The following RGS12 variants were observed in gnomAD, a reference collection of about 807,000 sequenced individuals.
RGS12 encodes the protein regulator of G protein signaling 12.
RGS12 carries 66 observed loss-of-function variants against 120.1 expected under a neutral mutation model. The ratio of observed to expected loss-of-function variants is 0.55; its 90% CI spans 0.45 to 0.67. The LOEUF is 0.67. Among genes scored for constraint, RGS12 ranks in the 30% least tolerant of loss-of-function variants. The probability of loss-of-function intolerance (pLI) is 0.00; values close to 1 mark genes in which losing one functional copy is unlikely to be tolerated. For synonymous variants in RGS12, 827 were observed against 804.7 expected (o/e 1.03, Z -0.47); for missense variants, 1,859 against 1,957.7 (o/e 0.95, Z 0.95).
Position 3,396,207 on chromosome 4 carries a change from T to G in RGS12, c.2020+9770T>G, listed in dbSNP as rs1195791216. Among the ~76,000 whole-genome samples, 5 of 152,182 alleles carry G rather than the reference T, an allele frequency of 3.3e-5. No homozygotes were observed. In the South Asian group the frequency reaches 6.2e-4, roughly 19 times the overall value. The stretch of plus-strand genomic sequence containing the variant: ...ATTAGATATACCTTGTGTTTTGGAT[T>G]TATGTGTTTGTGATAGATTTATGTA... On this transcript the variant is annotated intron_variant, in intron 4 of 17. Transcript: ENST00000336727.
intron 1 of RGS12, among the ~76,000 whole-genome samples, chr4:3,313,580 T>G (rs1038236802): frequency 2.0e-5 from 3 of 152,210 alleles, no homozygotes; most frequent in African/African-American, 7.2e-5. Context: ...TCCTGCGTTT[T>G]CGGGGGCCTC....
At chr4:3,332,219 C>T (rs1036623730) in intron 2 of RGS12, among the ~76,000 whole-genome samples, 21 of 152,232 alleles carry the variant, frequency 1.4e-4, no homozygotes, top group South Asian at 4.2e-4. Context: ...GCAAGGTGGC[C>T]GCCACATCCC....
At chr4:3,417,220 A>G (rs1722505832) in intron 8 of RGS12, 128 bp downstream of exon 8, 2 of 1,322,642 alleles carry the variant, frequency 1.5e-6, no homozygotes, top group Non-Finnish European at 1.0e-6. Context: ...CCATGCTGGA[A>G]AGTTCCAGCT....
intron 2 of RGS12, among the ~76,000 whole-genome samples, chr4:3,318,892 T>C (rs1004405571): frequency 6.6e-6 from 1 of 151,994 alleles, no homozygotes; most frequent in Non-Finnish European, 1.5e-5. Context: ...TTGTGACAGG[T>C]GATGGGGGTG....
At chr4:3,295,752 CATTA>C (rs1412762219) in intron 1 of RGS12, among the ~76,000 whole-genome samples, 3 of 151,744 alleles carry the variant, frequency 2.0e-5, no homozygotes, top group Non-Finnish European at 4.4e-5. Context: ...ATAAACAACT[CATTA>C]GTTACGACTT....
Position 3,362,482 on chromosome 4 carries a change from A to G in RGS12, c.1998+19429A>G, listed in dbSNP as rs369617673. ...CGAGGGTGTGTGTGAGGGTGTGTGT[A>G]TGTGAGGGTGTGTGTGAGGGTGCGA... is the stretch of plus-strand genomic sequence containing the variant. On this transcript the variant is annotated intron_variant, in intron 3 of 17. Coordinates refer to ENST00000336727, the MANE Select transcript of RGS12 (RefSeq NM_001394154.1). 3.2e-3 allele frequency among the ~76,000 whole-genome samples: 142 copies of G among 44,208 alleles called. 1 individual carries two copies. The highest frequency in any genetic ancestry group is 3.9e-3 in the South Asian group (4 of 1,014). 29.0% of individuals were successfully genotyped at this position (44,208 alleles called of 152,430 possible).
At position 3,386,394 on chromosome 4, in the gene RGS12, GTCTC is replaced by G. The variant is rs754517230; in HGVS notation, c.1999-14_1999-11del. 9.9e-6 allele frequency: 16 copies of G among 1,608,948 alleles called. No homozygotes were observed. The East Asian group carries it at 2.7e-4, about 27-fold the overall frequency. On this transcript the variant is annotated intron_variant, in intron 3 of 17. Coordinates refer to ENST00000336727, the MANE Select transcript of RGS12 (RefSeq NM_001394154.1). Reference sequence around the variant, plus strand: ...TTGTCATGAGGCTTAATTAACTCATGTCTCTCTCTCTTTTCTTTCAGTCTGCAAC... The same window carrying G: ...TTGTCATGAGGCTTAATTAACTCATGTCTCTCTTTTCTTTCAGTCTGCAAC...
intron 4 of RGS12, among the ~76,000 whole-genome samples, chr4:3,408,265 C>T (rs1278418885): frequency 6.6e-6 from 1 of 152,150 alleles, no homozygotes; most frequent in East Asian, 1.9e-4. Flanking sequence ...AAGGTCAGGC[C>T]TTCTGTGACT....
intron 2 of RGS12, among the ~76,000 whole-genome samples, chr4:3,338,561 C>T (rs1330106641): frequency 1.4e-4 from 21 of 152,240 alleles, no homozygotes; most frequent in Admixed American, 1.3e-3. Flanking sequence ...GCCTGAGGCC[C>T]TTGGTTCTCC....
At chr4:3,352,525 C>T (rs114825062) in intron 3 of RGS12, among the ~76,000 whole-genome samples, 4,736 of 152,114 alleles carry the variant, frequency 0.031, 229 homozygotes, top group African/African-American at 0.1. Flanking sequence ...ATAGGCATTG[C>T]GATGGGATAC....
In RGS12 at chr4:3,317,885, T is replaced by C; in HGVS notation, c.1715T>C (p.Leu572Pro). Residue 572 changes from leucine (L) to proline (P), a missense_variant, in exon 2 of 18, where the codon CTG becomes CCG. Around this residue, in one of 3 missense-constraint regions of RGS12, gnomAD observed 967 missense variants for 994.2 expected, o/e 0.97. Coordinates refer to ENST00000336727, the MANE Select transcript of RGS12 (RefSeq NM_001394154.1). ...TGGTCCAGCATCAACTGCGGCACACTGCCCCCTCCTATGAGCAAGATCCCC... is the reference window on the plus strand; with the variant it reads ...TGGTCCAGCATCAACTGCGGCACACCGCCCCCTCCTATGAGCAAGATCCCC... Reference protein sequence around the residue: ...DGWSSINCGTLPPPMSKIPAD... With the variant: ...DGWSSINCGTPPPPMSKIPAD... 1 of 1,613,848 alleles carries C rather than the reference T, an allele frequency of 6.2e-7. No homozygotes were observed. Among genetic ancestry groups the C allele is most frequent in the Non-Finnish European group, 8.5e-7 (1 of 1,179,974 alleles).
intron 17 of RGS12, chr4:3,431,958 C>A (rs867730860): frequency 4.9e-5 from 48 of 985,324 alleles, no homozygotes; most frequent in Middle Eastern, 5.2e-4. Context: ...CCTTTGGAGG[C>A]CACGTGTGGC....
At chr4:3,412,729 A>G (rs1721872203) in intron 4 of RGS12, among the ~76,000 whole-genome samples, 1 of 152,270 alleles carries the variant, frequency 6.6e-6, no homozygotes, top group South Asian at 2.1e-4. Context: ...CCCAAAGCCC[A>G]GGGCTTCTTA....
rs142578064 is a variant in RGS12, at chr4:3,374,176, C to T, written c.1999-12240C>T. 5.1e-4 allele frequency among the ~76,000 whole-genome samples: 77 copies of T among 152,378 alleles called. 1 individual carries two copies. The highest frequency in any genetic ancestry group is 3.4e-3 in the Middle Eastern group (1 of 294). Reference sequence around the variant, plus strand: ...GGAGGCTGGTTGAGGTTCCTTGCAACGCTTGCCATCCTACGCATGATGCAG... The same window carrying T: ...GGAGGCTGGTTGAGGTTCCTTGCAATGCTTGCCATCCTACGCATGATGCAG... On this transcript the variant is annotated intron_variant, in intron 3 of 17. Coordinates refer to ENST00000336727, the MANE Select transcript of RGS12 (RefSeq NM_001394154.1). The surrounding 1 kb of genome is among the most constrained non-coding windows in gnomAD (Gnocchi z 6.3).
chr4:3,303,767 C>G (rs1476983372), intron 1 of RGS12, among the ~76,000 whole-genome samples: 1 of 152,234 alleles, frequency 6.6e-6, no homozygotes, highest in Non-Finnish European at 1.5e-5. Context: ...GATGTTAGCA[C>G]AACTATTTCT....
rs1180709414 is a variant in RGS12 at position 3,293,345 on chromosome 4, G to C, written c.-102+246G>C. Among the ~76,000 whole-genome samples the C allele has an allele frequency of 9.6e-5, 14 of 145,852 alleles. No individual in the cohort carries two copies. In the East Asian group the frequency reaches 2.8e-3, roughly 29 times the overall value. On this transcript the variant is annotated intron_variant, in intron 1 of 17. Coordinates refer to ENST00000336727, the MANE Select transcript of RGS12 (RefSeq NM_001394154.1). Reference sequence around the variant, plus strand: ...CGGGGGCGGGGGCGGGCGGCGCGGGGCGCGGGCCTGTGGGGCCTCCGGCCG... The same window carrying C: ...CGGGGGCGGGGGCGGGCGGCGCGGGCCGCGGGCCTGTGGGGCCTCCGGCCG...
intron 17 of RGS12, among the ~76,000 whole-genome samples, chr4:3,436,774 G>T (rs1036872692): frequency 6.6e-5 from 10 of 152,204 alleles, no homozygotes; most frequent in African/African-American, 2.4e-4. Context: ...GCCTGCGCAT[G>T]TGGAAAGAGG....
chr4:3,383,537 A>G (rs1718486021), intron 3 of RGS12, among the ~76,000 whole-genome samples: 1 of 151,938 alleles, frequency 6.6e-6, no homozygotes, highest in African/African-American at 2.4e-5. Context: ...ACCCAGGAGG[A>G]TTGAGGCTGC....
chr4:3,327,502 G>A (rs750060511), intron 2 of RGS12, among the ~76,000 whole-genome samples: 3 of 152,182 alleles, frequency 2.0e-5, no homozygotes, highest in Non-Finnish European at 4.4e-5. Flanking sequence ...CCTGCAGGAT[G>A]GAAGAAAGTA....
Sources: allele counts gnomAD v4.1 joint callset (sites outside exome capture counted in the v4.1 genomes callset), GRCh38; gene constraint gnomAD v4.1.1; regional missense constraint gnomAD v4.1.1; non-coding constraint Gnocchi (gnomAD v3.1); transcripts MANE v1.5; gene names NCBI Gene and HGNC (gene_info 2026-07-23, HGNC 2026-07-21).